EYS: variants seen among roughly 807,000 people sequenced by gnomAD.
The protein encoded by EYS is EGF-like photoreceptor maintenance factor.
Under a neutral mutation model 282.1 loss-of-function variants are expected in EYS, and 250 were observed. That is an observed-to-expected ratio of 0.89 (90% CI 0.80 to 0.98). The LOEUF (loss-of-function observed/expected upper bound fraction) is 0.98, where lower values mean the gene tolerates loss of function less well. Ranked by LOEUF, EYS falls within the 50% of genes least tolerant of loss-of-function variation. The pLI, the probability that EYS is intolerant of heterozygous loss-of-function variation, is 0.00. For synonymous variants in EYS, 1,355 were observed against 1,282.9 expected, an observed-to-expected ratio of 1.06 and a Z score of -1.20; for missense variants, 4,016 against 3,709.0, an observed-to-expected ratio of 1.08 and a Z score of -2.15.
intron 2 of EYS, among the ~76,000 whole-genome samples, chr6:65,527,998 A>C (rs754477908): frequency 7.9e-5 from 12 of 152,174 alleles, no homozygotes; most frequent in Non-Finnish European, 1.8e-4. Context: ...CAGTTTTTAA[A>C]AACTATTAAC....
intron 29 of EYS, among the ~76,000 whole-genome samples, chr6:64,363,359 C>T (rs1227796385): frequency 1.3e-5 from 2 of 151,814 alleles, no homozygotes; most frequent in African/African-American, 2.4e-5. Context: ...TTGATGTGAT[C>T]GGTTAAATTG....
At chr6:63,784,824 G>A (rs991246014) in intron 39 of EYS, among the ~76,000 whole-genome samples, 8 of 152,102 alleles carry the variant, frequency 5.3e-5, no homozygotes, top group South Asian at 4.1e-4. Context: ...GAGTTGACAG[G>A]GTGTCTGTTG....
At chr6:64,183,929 G>T (rs1434978034) in intron 31 of EYS, among the ~76,000 whole-genome samples, 2 of 151,534 alleles carry the variant, frequency 1.3e-5, no homozygotes, top group African/African-American at 2.4e-5. Flanking sequence ...ATTTTGTAAC[G>T]CAATTTTAAA....
At chr6:65,356,368 C>G (rs1487440164) in intron 8 of EYS, among the ~76,000 whole-genome samples, 1 of 151,940 alleles carries the variant, frequency 6.6e-6, no homozygotes, top group East Asian at 1.9e-4. Context: ...CACTCAGGAG[C>G]TAAGGAACCA....
intron 30 of EYS, among the ~76,000 whole-genome samples, chr6:64,252,777 C>A (rs1202456379): frequency 1.3e-5 from 2 of 152,152 alleles, no homozygotes; most frequent in African/African-American, 4.8e-5. Flanking sequence ...ACAAGTTAGA[C>A]AAGTCGTATA....
rs567851638 is a variant in EYS at position 65,118,538 on chromosome 6, T to C, written c.2024-60811A>G. 1.6e-3 allele frequency among the ~76,000 whole-genome samples: 245 copies of C among 152,310 alleles called. 1 individual carries two copies. Among genetic ancestry groups the C allele is most frequent in the African/African-American group, 5.3e-3 (222 of 41,578 alleles). On this transcript the variant is annotated intron_variant, in intron 12 of 42. Coordinates refer to ENST00000503581, the MANE Select transcript of EYS (RefSeq NM_001142800.2). ...TGAGCCCTTTGGCATCACATGTGTT[T>C]GCAGCTCGTCAAGCTGGCTGGATAT...
chr6:64,727,587 T>C (rs1024063296), intron 22 of EYS, among the ~76,000 whole-genome samples: 1 of 152,214 alleles, frequency 6.6e-6, no homozygotes, highest in African/African-American at 2.4e-5. Flanking sequence ...AAAACAATCC[T>C]TGAATTTCTT....
intron 12 of EYS, among the ~76,000 whole-genome samples, chr6:65,254,877 C>G (rs1478164310): frequency 6.6e-6 from 1 of 151,878 alleles, no homozygotes; most frequent in Non-Finnish European, 1.5e-5. Context: ...TCCATTTTCA[C>G]TTTTGAAAAA....
In EYS at chr6:64,919,113, G is replaced by A. The variant is rs186251696; in HGVS notation, c.2382-6370C>T. On this transcript the variant is annotated intron_variant, in intron 15 of 42. Transcript: ENST00000503581. ...AGTTCTACTAGGCAGATTAGAGTAA[G>A]CATGTGGTCGGATAGACAGTAAGCA... Among the ~76,000 whole-genome samples, 685 of 152,238 alleles carry A rather than the reference G, an allele frequency of 4.5e-3. 6 individuals carry two copies. Among genetic ancestry groups the A allele is most frequent in the African/African-American group, 0.016 (646 of 41,550 alleles).
chr6:64,285,363 G>A (rs1768459363), intron 30 of EYS, among the ~76,000 whole-genome samples: 1 of 152,184 alleles, frequency 6.6e-6, no homozygotes, highest in African/African-American at 2.4e-5. Context: ...GGGGCAAAAT[G>A]CCGCCAGTCT....
chr6:64,546,485 C>G (rs1018988567), intron 26 of EYS, among the ~76,000 whole-genome samples: 4 of 152,148 alleles, frequency 2.6e-5, no homozygotes, highest in African/African-American at 9.7e-5. Flanking sequence ...TCTAAAACAC[C>G]AAAAGCAATG....
At chr6:65,703,173 C>T (rs1055986792) in intron 1 of EYS, among the ~76,000 whole-genome samples, 1 of 151,556 alleles carries the variant, frequency 6.6e-6, no homozygotes, top group Non-Finnish European at 1.5e-5. Context: ...CTTAAAGTGC[C>T]TCTCTCTCTC....
At chr6:65,554,713 C>T (rs1018384882) in intron 2 of EYS, among the ~76,000 whole-genome samples, 11 of 152,080 alleles carry the variant, frequency 7.2e-5, no homozygotes, top group Non-Finnish European at 1.5e-4. Flanking sequence ...TAGCAATGCC[C>T]TATCAGAAAG....
chr6:63,941,425 T>C (rs1394642671), intron 35 of EYS, among the ~76,000 whole-genome samples: 4 of 152,224 alleles, frequency 2.6e-5, no homozygotes, highest in East Asian at 1.9e-4. Context: ...TGCATTTCTC[T>C]GATGGCCAGT....
intron 2 of EYS, among the ~76,000 whole-genome samples, chr6:65,554,655 C>T (rs1260687880): frequency 6.6e-6 from 1 of 152,158 alleles, no homozygotes; most frequent in Non-Finnish European, 1.5e-5. Context: ...CTGAGTACTT[C>T]ACATTTTGCA....
intron 12 of EYS, among the ~76,000 whole-genome samples, chr6:65,098,343 C>A (rs1310029648): frequency 6.6e-6 from 1 of 150,668 alleles, no homozygotes; most frequent in African/African-American, 2.4e-5. Context: ...GTTTTAGAAG[C>A]AAATTCTGTG....
At chr6:64,581,461 A>G (rs1367250675) in intron 26 of EYS, among the ~76,000 whole-genome samples, 1 of 152,096 alleles carries the variant, frequency 6.6e-6, no homozygotes, top group Non-Finnish European at 1.5e-5. Flanking sequence ...TATGGTCTTT[A>G]TCTAATCATT....
At chr6:65,568,118 G>A (rs1165647266) in intron 2 of EYS, among the ~76,000 whole-genome samples, 13 of 151,934 alleles carry the variant, frequency 8.6e-5, no homozygotes, top group Non-Finnish European at 7.4e-5. Flanking sequence ...TTACAATTAT[G>A]ATGACTGTCT....
intron 22 of EYS, among the ~76,000 whole-genome samples, chr6:64,700,481 G>A (rs1770744348): frequency 6.6e-6 from 1 of 151,874 alleles, no homozygotes; most frequent in South Asian, 2.1e-4. Flanking sequence ...ACCTAGGAAA[G>A]GCTAAAGACT....
Sources: allele counts gnomAD v4.1 joint callset (sites outside exome capture counted in the v4.1 genomes callset), GRCh38; gene constraint gnomAD v4.1.1; transcripts MANE v1.5; gene names NCBI Gene and HGNC (gene_info 2026-07-23, HGNC 2026-07-21).